The following CNOT4 variants were observed in gnomAD, a reference collection of about 807,000 sequenced individuals.
CNOT4 encodes the protein CCR4-NOT transcription complex subunit 4.
CNOT4 carries 8 observed loss-of-function variants against 73.8 expected under a neutral mutation model. The ratio of observed to expected loss-of-function variants is 0.11; its 90% CI spans 0.06 to 0.20. CNOT4 has a LOEUF of 0.20. Among genes scored for constraint, CNOT4 ranks in the 10% least tolerant of loss-of-function variants. The probability of loss-of-function intolerance (pLI) is 1.00; values close to 1 mark genes in which losing one functional copy is unlikely to be tolerated. For synonymous variants in CNOT4, 293 were observed against 321.1 expected (o/e 0.91, Z 0.94); for missense variants, 564 against 883.4 (o/e 0.64, Z 4.58).
At position 135,380,494 on chromosome 7, in the gene CNOT4, A is replaced by G. The variant is rs181406978; in HGVS notation, c.1627+13424T>C. ...AAAGTTACTCCAAGATCACTGGGCC[A>G]CATTTAACACAGGGCAGCTTTGAAA... is the stretch of plus-strand genomic sequence containing the variant. On this transcript the variant is annotated intron_variant, in intron 10 of 11. Coordinates refer to ENST00000541284, the MANE Select transcript of CNOT4 (RefSeq NM_001190850.2). 4.6e-3 allele frequency among the ~76,000 whole-genome samples: 700 copies of G among 152,362 alleles called. 3 individuals are homozygous for G. The highest frequency in any genetic ancestry group is 6.8e-3 in the Middle Eastern group (2 of 294).
intron 1 of CNOT4, among the ~76,000 whole-genome samples, chr7:135,461,480 G>T (rs374311927): frequency 2.0e-5 from 3 of 152,082 alleles, no homozygotes; most frequent in South Asian, 2.1e-4. Context: ...TATCATCATC[G>T]AATTGTCCTT....
intron 7 of CNOT4, among the ~76,000 whole-genome samples, chr7:135,402,238 T>C (rs1797039724): frequency 6.6e-6 from 1 of 151,756 alleles, no homozygotes; most frequent in African/African-American, 2.4e-5. Context: ...GCCTCCCGAA[T>C]AGCTGAGATT....
At chr7:135,408,574 C>T (rs918459230) in intron 7 of CNOT4, among the ~76,000 whole-genome samples, 5 of 152,138 alleles carry the variant, frequency 3.3e-5, no homozygotes, top group African/African-American at 9.7e-5. Context: ...TGCAGGTGGC[C>T]AGAGCTCATC....
At chr7:135,369,441 A>G (rs1246230342) in intron 10 of CNOT4, among the ~76,000 whole-genome samples, 1 of 152,190 alleles carries the variant, frequency 6.6e-6, no homozygotes, top group Admixed American at 6.5e-5. Context: ...AATACACCTA[A>G]AAGTGTTCAT....
At chr7:135,374,396 A>C (rs1206905042) in intron 10 of CNOT4, among the ~76,000 whole-genome samples, 2 of 25,016 alleles carry the variant, frequency 8.0e-5, no homozygotes, top group African/African-American at 2.6e-4. Context: ...AAATTTGCTG[A>C]TGATTCCCTT....
chr7:135,388,677 T>A, intron 10 of CNOT4: 1 of 1,378,644 alleles, frequency 7.3e-7, no homozygotes, highest in Non-Finnish European at 9.5e-7. Flanking sequence ...ATGAGGAACG[T>A]TTATATTGGC....
At chr7:135,393,557 T>C (rs1300118263) in intron 10 of CNOT4, among the ~76,000 whole-genome samples, 1 of 152,192 alleles carries the variant, frequency 6.6e-6, no homozygotes, top group African/African-American at 2.4e-5. Flanking sequence ...ACCATTTTAC[T>C]TTAGAATATA....
intron 1 of CNOT4, among the ~76,000 whole-genome samples, chr7:135,439,582 A>C (rs572702057): frequency 1.3e-5 from 2 of 152,326 alleles, no homozygotes; most frequent in South Asian, 4.1e-4. Context: ...CAGGAGTTCA[A>C]GACCAGCACA....
intron 1 of CNOT4, among the ~76,000 whole-genome samples, chr7:135,476,835 A>G (rs1379279854): frequency 2.0e-5 from 3 of 152,186 alleles, no homozygotes; most frequent in Non-Finnish European, 2.9e-5. Flanking sequence ...TTAGCTGAGC[A>G]TAATGGTACA....
At chr7:135,497,098 C>A (rs1280773174) in intron 1 of CNOT4, among the ~76,000 whole-genome samples, 2 of 151,890 alleles carry the variant, frequency 1.3e-5, no homozygotes, top group Non-Finnish European at 2.9e-5. Flanking sequence ...TGAGCCACTG[C>A]ACCCAGCTCT....
At chr7:135,435,364 T>C (rs1799089522) in intron 2 of CNOT4, among the ~76,000 whole-genome samples, 1 of 152,192 alleles carries the variant, frequency 6.6e-6, no homozygotes, top group South Asian at 2.1e-4. Flanking sequence ...TTTTCCTTCA[T>C]GCTTTCTATT....
At position 135,444,896 on chromosome 7, in the gene CNOT4, C is replaced by T. The variant is rs1448031743; in HGVS notation, c.-92-6473G>A. On this transcript the variant is annotated intron_variant, in intron 1 of 11. Transcript: ENST00000541284. ...GCTATTTCAACTATCACGATGTGGGCATCTGCAAAGCTGTTGCCATGCTGT... is the reference window on the plus strand; with the variant it reads ...GCTATTTCAACTATCACGATGTGGGTATCTGCAAAGCTGTTGCCATGCTGT... 4 of 1,599,772 alleles carry T rather than the reference C, an allele frequency of 2.5e-6. No homozygotes were observed. In the African/African-American group the frequency reaches 5.4e-5, roughly 21 times the overall value.
chr7:135,430,213 A>G (rs1798734244), intron 2 of CNOT4, among the ~76,000 whole-genome samples: 1 of 152,254 alleles, frequency 6.6e-6, no homozygotes, highest in African/African-American at 2.4e-5. Context: ...TGAAAACAAT[A>G]TAAAACTACA....
At chr7:135,489,613 C>T (rs1246778961) in intron 1 of CNOT4, among the ~76,000 whole-genome samples, 1 of 151,930 alleles carries the variant, frequency 6.6e-6, no homozygotes, top group Non-Finnish European at 1.5e-5. Flanking sequence ...CCAGGCTAGT[C>T]TTGAACTCCT....
At chr7:135,424,782 C>T (rs1238700276) in intron 2 of CNOT4, among the ~76,000 whole-genome samples, 1 of 151,994 alleles carries the variant, frequency 6.6e-6, no homozygotes, top group Non-Finnish European at 1.5e-5. Flanking sequence ...GAGCCAGACT[C>T]CTTCTCAAAA....
rs536870008 is a variant in CNOT4 at position 135,414,421 on chromosome 7, G to C, written c.471C>G (p.Ala157=). 1 of 1,488,528 alleles carries C rather than the reference G, an allele frequency of 6.7e-7. No homozygotes were observed. Among genetic ancestry groups the C allele is most frequent in the African/African-American group, 1.4e-5 (1 of 72,222 alleles). 92.2% of individuals were successfully genotyped at this position (1,488,528 alleles called of 1,614,324 possible). ...ACCGGATATAGGTTACATAAGCACT[G>C]GCACTTGGACCCTAAAGTGAAAACA... ...TSYAGSQGPS[A]SAYVTYIRSE... Residue 157 remains alanine (A), a synonymous_variant, in exon 5 of 12, where the codon GCC becomes GCG. Coordinates refer to ENST00000541284, the MANE Select transcript of CNOT4 (RefSeq NM_001190850.2).
chr7:135,459,192 G>T (rs976647179), intron 1 of CNOT4, among the ~76,000 whole-genome samples: 1 of 151,968 alleles, frequency 6.6e-6, no homozygotes, highest in Non-Finnish European at 1.5e-5. Flanking sequence ...AATGCACAGG[G>T]ACAGTTTGAA....
rs376014399 is a variant in CNOT4, at chr7:135,369,781, G to A, written c.1628-5715C>T. On this transcript the variant is annotated intron_variant, in intron 10 of 11. Transcript: ENST00000541284. Reference sequence around the variant, plus strand: ...ATAAGTGATCTCCTACCAGTTTTGGGATGGAGTGCATCTTCATTTGAACAA... The same window carrying A: ...ATAAGTGATCTCCTACCAGTTTTGGAATGGAGTGCATCTTCATTTGAACAA... Among the ~76,000 whole-genome samples the A allele has an allele frequency of 3.9e-5, 6 of 152,270 alleles. No homozygotes were observed. In the East Asian group the frequency reaches 1.2e-3, roughly 29 times the overall value.
chr7:135,382,145 T>C (rs866766103), intron 10 of CNOT4, among the ~76,000 whole-genome samples: 3 of 152,220 alleles, frequency 2.0e-5, no homozygotes, highest in Admixed American at 6.5e-5. Context: ...CTTAGATTAC[T>C]TAGGCTTGCT....
Sources: gnomAD v4.1 joint callset for allele counts (sites outside exome capture counted in the v4.1 genomes callset) on GRCh38, gnomAD v4.1.1 for gene constraint, MANE v1.5 for transcripts, NCBI Gene and HGNC (gene_info 2026-07-23, HGNC 2026-07-21) for gene names.